Variants in NPLOC4 observed in about 807,000 individuals in gnomAD.
NPLOC4 encodes the protein NPL4 homolog, ubiquitin recognition factor.
NPLOC4 carries 18 observed loss-of-function variants against 80.6 expected under a neutral mutation model. The observed-to-expected ratio is 0.22, with a 90% confidence interval of 0.15 to 0.33. The LOEUF (loss-of-function observed/expected upper bound fraction) is 0.33. Ranked by LOEUF, NPLOC4 falls within the 10% of genes least tolerant of loss-of-function variation. The pLI is 1.00. For synonymous variants in NPLOC4, 313 were observed against 301.5 expected (o/e 1.04, Z -0.39); for missense variants, 540 against 786.1 (o/e 0.69, Z 3.74).
At chr17:81,579,176 C>G (rs1252889783) in intron 12 of NPLOC4, among the ~76,000 whole-genome samples, 1 of 152,144 alleles carries the variant, frequency 6.6e-6, no homozygotes, top group Non-Finnish European at 1.5e-5. Flanking sequence ...GAGTTTGAGA[C>G]CAGCCTGGCC....
rs1243972298 is a variant in NPLOC4, at chr17:81,559,253, G to A, written c.*6C>T. On this transcript the variant is annotated 3_prime_UTR_variant, in exon 17 of 17. Coordinates refer to ENST00000331134, the MANE Select transcript of NPLOC4 (RefSeq NM_017921.4). ...GCCCGGTCCTAGCCAGCAGAGGGCA[G>A]GCGCCCTAGGTCCTGGGGAGGCTGC... 1.3e-6 allele frequency: 2 copies of A among 1,596,684 alleles called. No homozygotes were observed. The highest frequency in any genetic ancestry group is 1.7e-6 in the Non-Finnish European group (2 of 1,172,740).
intron 1 of NPLOC4, among the ~76,000 whole-genome samples, chr17:81,632,555 C>T (rs2035960434): frequency 6.6e-6 from 1 of 152,058 alleles, no homozygotes; most frequent in Non-Finnish European, 1.5e-5. Flanking sequence ...CTCAAGTTAT[C>T]CACCCACCTG....
At chr17:81,595,348 C>T (rs1423139380) in intron 11 of NPLOC4, among the ~76,000 whole-genome samples, 1 of 149,904 alleles carries the variant, frequency 6.7e-6, no homozygotes, top group Non-Finnish European at 1.5e-5. Flanking sequence ...GCACAAAAAT[C>T]GCTTGAACCC....
intron 10 of NPLOC4, among the ~76,000 whole-genome samples, chr17:81,596,663 A>G (rs2034915538): frequency 6.6e-6 from 1 of 152,262 alleles, no homozygotes. Context: ...TTCCTCATCT[A>G]AAACCACTCA....
chr17:81,582,420 T>C (rs574770114), intron 12 of NPLOC4, among the ~76,000 whole-genome samples: 12 of 152,308 alleles, frequency 7.9e-5, no homozygotes, highest in African/African-American at 2.9e-4. Flanking sequence ...CTGCATGTTT[T>C]TGGAGGAGTC....
intron 3 of NPLOC4, 114 bp downstream of exon 3, chr17:81,622,052 T>C: frequency 2.7e-6 from 2 of 740,376 alleles, no homozygotes; most frequent in South Asian, 1.5e-5. Flanking sequence ...GGTCAGTTGA[T>C]AAGACCATAA....
chr17:81,565,854 G>A (rs2033993990), intron 15 of NPLOC4, among the ~76,000 whole-genome samples: 2 of 152,206 alleles, frequency 1.3e-5, no homozygotes, highest in African/African-American at 4.8e-5. Flanking sequence ...GCCTTGTGCT[G>A]ACGGTGCTCA....
intron 2 of NPLOC4, 123 bp downstream of exon 2, chr17:81,629,602 C>T (rs900859232): frequency 3.6e-5 from 26 of 725,922 alleles, no homozygotes; most frequent in Non-Finnish European, 6.0e-5. Flanking sequence ...TAGAGAAAGG[C>T]AATGCAAGAG....
intron 3 of NPLOC4, 68 bp downstream of exon 3, chr17:81,622,098 C>A (rs1187389511): frequency 2.6e-6 from 3 of 1,160,066 alleles, no homozygotes; most frequent in African/African-American, 3.1e-5. Flanking sequence ...TAAAACTCGG[C>A]AACCTCGGGC....
rs772462997 is a variant in NPLOC4 at position 81,565,597 on chromosome 17, C to G, written c.1577G>C (p.Ser526Thr). 2 of 1,549,646 alleles carry G rather than the reference C, an allele frequency of 1.3e-6. No homozygotes were observed. The highest frequency in any genetic ancestry group is 2.4e-5 in the South Asian group (2 of 83,866). Residue 526 changes from serine (S) to threonine (T), a missense_variant, in exon 16 of 17, where the codon AGC becomes ACC. Transcript: ENST00000331134. ...GGTCCGCACGGCCTCCAGCAGCAAG[C>G]TGATGCTGTCCTACAAGAAGCCAAA... ...NEVMPLQDSI[S>T]LLLEAVRTRN...
chr17:81,598,973 T>C (rs773646103), intron 9 of NPLOC4, among the ~76,000 whole-genome samples: 8 of 152,040 alleles, frequency 5.3e-5, no homozygotes, highest in Non-Finnish European at 1.0e-4. Context: ...AAAATCAAAC[T>C]GAGAAAAATT....
At chr17:81,595,177 T>C (rs551285154) in intron 11 of NPLOC4, among the ~76,000 whole-genome samples, 1 of 152,056 alleles carries the variant, frequency 6.6e-6, no homozygotes, top group African/African-American at 2.4e-5. Context: ...ATTACAGATG[T>C]TGTAATCCCA....
chr17:81,576,887 C>T (rs982199283), intron 12 of NPLOC4, among the ~76,000 whole-genome samples: 1 of 152,194 alleles, frequency 6.6e-6, no homozygotes, highest in Non-Finnish European at 1.5e-5. Flanking sequence ...GCAGCACCAC[C>T]TGCAAGTGTC....
chr17:81,627,186 C>G (rs1201719832), intron 2 of NPLOC4, among the ~76,000 whole-genome samples: 1 of 150,742 alleles, frequency 6.6e-6, no homozygotes, highest in Non-Finnish European at 1.5e-5. Context: ...GTCAGGAGAT[C>G]GAGACCATCC....
intron 15 of NPLOC4, 111 bp from the exon 16 acceptor site, chr17:81,565,718 T>A (rs965994508): frequency 1.2e-6 from 1 of 806,036 alleles, no homozygotes; most frequent in Non-Finnish European, 1.9e-6. Flanking sequence ...GAGGACATTT[T>A]AAAAATCTTA....
chr17:81,636,804 GA>G, intron 1 of NPLOC4, 111 bp downstream of exon 1: 1 of 1,160,952 alleles, frequency 8.6e-7, no homozygotes, highest in Non-Finnish European at 1.1e-6. Context: ...GGCGAGAGAA[GA>G]GAAAGGGGCC....
chr17:81,603,549 C>G (rs929756740), intron 8 of NPLOC4, among the ~76,000 whole-genome samples: 6 of 152,174 alleles, frequency 3.9e-5, no homozygotes, highest in Non-Finnish European at 8.8e-5. Flanking sequence ...TAAGCTATGA[C>G]TGCACAACTG....
intron 12 of NPLOC4, among the ~76,000 whole-genome samples, chr17:81,585,840 T>C (rs950694986): frequency 4.0e-5 from 6 of 149,334 alleles, no homozygotes; most frequent in Admixed American, 4.0e-4. Flanking sequence ...TACAAAAGAG[T>C]TAGGTGGGCA....
chr17:81,607,717 A>G (rs1288887145), intron 6 of NPLOC4, among the ~76,000 whole-genome samples: 2 of 152,140 alleles, frequency 1.3e-5, no homozygotes, highest in East Asian at 1.9e-4. Context: ...TTTCACTACA[A>G]TCAATCTGCA....
Sources: gnomAD v4.1 joint callset for allele counts (sites outside exome capture counted in the v4.1 genomes callset) on GRCh38, gnomAD v4.1.1 for gene constraint, MANE v1.5 for transcripts, NCBI Gene and HGNC (gene_info 2026-07-23, HGNC 2026-07-21) for gene names.